UNKL: variants seen among roughly 807,000 people sequenced by gnomAD.
The protein encoded by UNKL is putative E3 ubiquitin-protein ligase UNKL.
UNKL carries 60 observed loss-of-function variants against 78.0 expected under a neutral mutation model. The observed-to-expected ratio is 0.77, with a 90% CI of 0.63 to 0.95. UNKL has a LOEUF of 0.95. UNKL is among the 40% of genes least tolerant of loss of function. The pLI is 0.00. For synonymous variants in UNKL, 608 were observed against 474.8 expected (o/e 1.28, Z -3.65); for missense variants, 1,159 against 1,045.7 (o/e 1.11, Z -1.49).
chr16:1,375,805 C>A (rs555414225), intron 10 of UNKL, among the ~76,000 whole-genome samples: 1 of 152,316 alleles, frequency 6.6e-6, no homozygotes, highest in South Asian at 2.1e-4. Flanking sequence ...ATTCACTCCT[C>A]TCCTTCCCAT....
Position 1,370,303 on chromosome 16 carries a change from C to G in UNKL, c.1412G>C (p.Arg471Thr). Residue 471 changes from arginine to threonine, a missense_variant, in exon 12 of 15, where the codon AGA becomes ACA. Physicochemically the swap from Arg to Thr is moderately conservative, Grantham distance 71 (BLOSUM62 -1). Transcript: ENST00000389221. ...GGATGGCGAGTGTAGCGATGGTGCT[C>G]TGGGCAGGGAGCCGGGGATGGCGAC... ...APVAIPGSLP[R>T]APSLHSPSSA... The G allele has an allele frequency of 6.5e-7, 1 of 1,534,018 alleles. No homozygotes were observed. The highest frequency in any genetic ancestry group is 8.7e-7 in the Non-Finnish European group (1 of 1,145,912).
At chr16:1,384,579 C>A (rs2036736189) in intron 10 of UNKL, among the ~76,000 whole-genome samples, 1 of 151,900 alleles carries the variant, frequency 6.6e-6, no homozygotes, top group East Asian at 1.9e-4. Flanking sequence ...ACCCTCAGTG[C>A]CCTCACTGGC....
rs1411004885 is a variant in UNKL at position 1,394,222 on chromosome 16, A to G, written c.853-7T>C. 3.9e-6 allele frequency: 6 copies of G among 1,550,348 alleles called. No homozygotes were observed. The highest frequency in any genetic ancestry group is 5.2e-6 in the Non-Finnish European group (6 of 1,146,842). Reference sequence around the variant, plus strand: ...ATTTTGTAGATTTGTAGATCTGGGGAAAAAAGTGAAATAAAGAGGTTGGAT... The same window carrying G: ...ATTTTGTAGATTTGTAGATCTGGGGGAAAAAGTGAAATAAAGAGGTTGGAT... On this transcript the variant is annotated splice_region_variant and splice_polypyrimidine_tract_variant and intron_variant, in intron 6 of 14. Transcript: ENST00000389221.
chr16:1,371,828 G>A (rs746829203), intron 10 of UNKL, among the ~76,000 whole-genome samples: 2 of 152,224 alleles, frequency 1.3e-5, no homozygotes, highest in Admixed American at 6.5e-5. Flanking sequence ...CAAAACGAGC[G>A]TGCTCAGGTG....
chr16:1,369,588 T>C (rs991008450), intron 12 of UNKL, among the ~76,000 whole-genome samples: 3 of 152,084 alleles, frequency 2.0e-5, no homozygotes, highest in African/African-American at 4.8e-5. Flanking sequence ...AGGCTGGTCT[T>C]GAACTCCCAA....
At chr16:1,369,924 G>A (rs567974438) in intron 12 of UNKL, 23 of 1,543,706 alleles carry the variant, frequency 1.5e-5, no homozygotes, top group East Asian at 7.3e-5. Flanking sequence ...GCGGCGAGCC[G>A]AGATCGTACC....
rs529320923 is a variant in UNKL, at chr16:1,407,807, G to A, written c.288-4463C>T. ...GAACGAGACCCAGGGTGGCTGCAGGGCCACAGTGCAGGAGCGCTCTTCTGG... is the reference window on the plus strand; with the variant it reads ...GAACGAGACCCAGGGTGGCTGCAGGACCACAGTGCAGGAGCGCTCTTCTGG... On this transcript the variant is annotated intron_variant, in intron 2 of 14. Coordinates refer to ENST00000389221, the MANE Select transcript of UNKL (RefSeq NM_001372107.1). 2.0e-5 allele frequency among the ~76,000 whole-genome samples: 3 copies of A among 152,290 alleles called. No homozygotes were observed. In the East Asian group the frequency reaches 5.8e-4, roughly 29 times the overall value.
At position 1,392,949 on chromosome 16, in the gene UNKL, C is replaced by A; in HGVS notation, c.965G>T (p.Gly322Val). 6.4e-7 allele frequency: 1 copy of A among 1,550,558 alleles called. No homozygotes were observed. Among genetic ancestry groups the A allele is most frequent in the African/African-American group, 1.4e-5 (1 of 73,168 alleles). The change falls in exon 8 of 15, where the codon GGC (glycine) becomes GTC (valine). Residue 322 changes from glycine (G) to valine (V), a missense_variant. Coordinates refer to ENST00000389221, the MANE Select transcript of UNKL (RefSeq NM_001372107.1). ...EKSLGMVNEW[G>V]CHDLHLTSPS... is the part of the protein sequence containing the mutation. ...ACTCGTGAGGTGGAGGTCGTGACAG[C>A]CCCATTCATTCACCATCCCCAGGCT...
At chr16:1,395,891 G>T (rs1293153537) in intron 6 of UNKL, 3 of 405,026 alleles carry the variant, frequency 7.4e-6, no homozygotes. Context: ...GTCAAGAAAC[G>T]ACGGGAAGCA....
intron 2 of UNKL, among the ~76,000 whole-genome samples, chr16:1,406,849 G>A (rs2037786530): frequency 6.6e-6 from 1 of 152,086 alleles, no homozygotes. Flanking sequence ...AGAAAGATCA[G>A]ACTCCTGGCC....
Position 1,399,379 on chromosome 16 carries a change from C to T in UNKL, c.729G>A (p.Gln243=). 6.3e-7 allele frequency: 1 copy of T among 1,595,174 alleles called. No individual in the cohort carries two copies. The highest frequency in any genetic ancestry group is 8.5e-7 in the Non-Finnish European group (1 of 1,170,040). Residue 243 remains glutamine (Q), a synonymous_variant, in exon 5 of 15, where the codon CAG becomes CAA. Coordinates refer to ENST00000389221, the MANE Select transcript of UNKL (RefSeq NM_001372107.1). This position sits in a 1 kb window ranked among gnomAD's most constrained non-coding sequence, Gnocchi z 5.8. ...RDRRRNPRRF[Q]YRSTPCPSVK... ...GCACGGTCCCGCAGGCTCACCTGTACTGGAACCGCCGGGGGTTGCGCCGCC... is the reference window on the plus strand; with the variant it reads ...GCACGGTCCCGCAGGCTCACCTGTATTGGAACCGCCGGGGGTTGCGCCGCC...
In UNKL at chr16:1,365,924, TCA is replaced by T. The variant is rs1313032434; in HGVS notation, c.*314_*315del. ...GTGTCAGGACCACAAACTGCTGTGA[TCA>T]CAGCGCCGCGTGGATCCCGGAGGCA... On this transcript the variant is annotated 3_prime_UTR_variant, in exon 15 of 15. Transcript: ENST00000389221. The T allele has an allele frequency of 1.7e-5, 4 of 239,554 alleles. No individual in the cohort carries two copies. The highest frequency in any genetic ancestry group is 3.2e-5 in the Non-Finnish European group (4 of 123,954). The allele number at this position is 239,554 out of a possible 1,614,324, so 14.8% of individuals were successfully genotyped here.
Position 1,394,115 on chromosome 16 carries a change from A to G in UNKL, c.937+16T>C, listed in dbSNP as rs1460242861. On this transcript the variant is annotated intron_variant, in intron 7 of 14. Coordinates refer to ENST00000389221, the MANE Select transcript of UNKL (RefSeq NM_001372107.1). ...GAACCTGCTAAGGTGAACCTGCCACAGGGACGGTTACTCACTCTCAACGTG... is the reference window on the plus strand; with the variant it reads ...GAACCTGCTAAGGTGAACCTGCCACGGGGACGGTTACTCACTCTCAACGTG... The G allele has an allele frequency of 1.3e-6, 2 of 1,548,474 alleles. No individual in the cohort carries two copies. Among genetic ancestry groups the G allele is most frequent in the East Asian group, 2.4e-5 (1 of 40,820 alleles).
intron 2 of UNKL, among the ~76,000 whole-genome samples, chr16:1,408,261 C>A (rs1293514368): frequency 1.1e-3 from 2 of 1,852 alleles, no homozygotes; most frequent in Non-Finnish European, 3.4e-3. Flanking sequence ...ATGGGAGCTG[C>A]CCCCCCCCCC....
chr16:1,366,889 A>AGGAAAGGCGGCTCCCAAGG (rs1555453357), intron 14 of UNKL, among the ~76,000 whole-genome samples: 5 of 151,136 alleles, frequency 3.3e-5, no homozygotes, highest in Non-Finnish European at 7.4e-5. Context: ...CCAGCCTGAC[A>AGGAAAGGCGGCTCCCAAGG]GGAAAGGCGG....
intron 6 of UNKL, chr16:1,395,552 C>G (rs1372306638): frequency 1.0e-5 from 4 of 397,108 alleles, no homozygotes; most frequent in African/African-American, 2.0e-5. Flanking sequence ...CGTCCATACC[C>G]TGCACCTTCT....
chr16:1,395,828 A>T, intron 6 of UNKL: 1 of 442,960 alleles, frequency 2.3e-6, no homozygotes, highest in Non-Finnish European at 4.6e-6. Context: ...GACACCATTG[A>T]GTGTGTGGTC....
chr16:1,400,550 G>T (rs1304619557), intron 4 of UNKL, among the ~76,000 whole-genome samples: 1 of 151,476 alleles, frequency 6.6e-6, no homozygotes, highest in Non-Finnish European at 1.5e-5. Context: ...GGGAGGAACT[G>T]CTCATAAGCA....
intron 8 of UNKL, 41 bp from the exon 9 acceptor site, chr16:1,390,735 G>C: frequency 6.5e-7 from 1 of 1,533,314 alleles, no homozygotes; most frequent in Non-Finnish European, 8.7e-7. Context: ...AAAGCAGGGA[G>C]GAAATGTAAA....
Sources: gnomAD v4.1 joint callset for allele counts (sites outside exome capture counted in the v4.1 genomes callset) on GRCh38, gnomAD v4.1.1 for gene constraint, Gnocchi (gnomAD v3.1) non-coding constraint, MANE v1.5 for transcripts, NCBI Gene and HGNC (gene_info 2026-07-23, HGNC 2026-07-21) for gene names.